RBFOX1: variants seen among roughly 807,000 people sequenced by gnomAD.
RBFOX1 encodes RNA binding protein fox-1 homolog 1.
Under a neutral mutation model 57.7 loss-of-function variants are expected in RBFOX1, and 8 were observed. The observed-to-expected ratio is 0.14, with a 90% confidence interval of 0.08 to 0.25. RBFOX1 has a LOEUF of 0.25. Ranked by LOEUF, RBFOX1 falls within the 10% of genes least tolerant of loss-of-function variation. The pLI is 1.00. For synonymous variants in RBFOX1, 326 were observed against 222.4 expected, an observed-to-expected ratio of 1.47 and a Z score of -4.15; for missense variants, 611 against 548.5, an observed-to-expected ratio of 1.11 and a Z score of -1.14.
chr16:7,187,500 T>A (rs375817709), intron 4 of RBFOX1, among the ~76,000 whole-genome samples: 6 of 151,200 alleles, frequency 4.0e-5, no homozygotes, highest in Non-Finnish European at 5.9e-5. Context: ...CCATCCTGGC[T>A]AACACAGTGA....
At chr16:6,430,116 A>T (rs545993458) in intron 2 of RBFOX1, among the ~76,000 whole-genome samples, 56 of 148,184 alleles carry the variant, frequency 3.8e-4, no homozygotes, top group Non-Finnish European at 6.4e-4. Context: ...CTCAAGAAGA[A>T]AAAAAAAAAA....
intron 4 of RBFOX1, among the ~76,000 whole-genome samples, chr16:7,137,285 G>A (rs773694117): frequency 1.3e-5 from 2 of 152,130 alleles, no homozygotes; most frequent in African/African-American, 4.8e-5. Flanking sequence ...ATACGGTTTG[G>A]CTGTGTCCCC....
At chr16:7,568,007 T>C (rs1335362442) in intron 5 of RBFOX1, among the ~76,000 whole-genome samples, 1 of 151,880 alleles carries the variant, frequency 6.6e-6, no homozygotes, top group Non-Finnish European at 1.5e-5. Context: ...CATTTAAAAA[T>C]AGATGTATTT....
At position 6,780,025 on chromosome 16, in the gene RBFOX1, TTA is replaced by T. The variant is rs1264950816; in HGVS notation, c.-16+125383_-16+125384del. ...TATATATTTATATATATTTATATATTTATATATATTTATATATATTTACATAT... is the reference window on the plus strand; with the variant it reads ...TATATATTTATATATATTTATATATTTATATATTTATATATATTTACATAT... On this transcript the variant is annotated intron_variant, in intron 3 of 15. Coordinates refer to ENST00000550418, the MANE Select transcript of RBFOX1 (RefSeq NM_018723.4). 7.1e-4 allele frequency among the ~76,000 whole-genome samples: 10 copies of T among 14,176 alleles called. 1 individual carries two copies. Among genetic ancestry groups the T allele is most frequent in the South Asian group, 4.1e-3 (1 of 242 alleles). The allele number at this position is 14,176 out of a possible 152,430, so 9.3% of individuals were successfully genotyped here.
chr16:5,864,887 T>G (rs2057311630), intron 3 of RBFOX1, among the ~76,000 whole-genome samples: 1 of 152,230 alleles, frequency 6.6e-6, no homozygotes, highest in Non-Finnish European at 1.5e-5. Flanking sequence ...TATAGGTGGT[T>G]GAATATTCAA....
At chr16:7,143,319 C>T (rs1252010557) in intron 4 of RBFOX1, among the ~76,000 whole-genome samples, 4 of 151,984 alleles carry the variant, frequency 2.6e-5, no homozygotes, top group Admixed American at 1.3e-4. Context: ...ACCGCATTCC[C>T]GACCCAGCTC....
At chr16:7,046,726 C>G (rs10163206) in intron 3 of RBFOX1, among the ~76,000 whole-genome samples, 1 of 150,866 alleles carries the variant, frequency 6.6e-6, no homozygotes, top group Non-Finnish European at 1.5e-5. Flanking sequence ...CTGCCTCAGC[C>G]TCCCAAATAG....
chr16:7,332,776 T>C, intron 4 of RBFOX1: 1 of 1,386,136 alleles, frequency 7.2e-7, no homozygotes, highest in Non-Finnish European at 9.3e-7. Context: ...GCTTCAACTT[T>C]GCAGCTGCTG....
rs191694667 is a variant in RBFOX1 at position 6,928,358 on chromosome 16, A to G, written c.-15-123699A>G. Among the ~76,000 whole-genome samples the G allele has an allele frequency of 3.9e-5, 6 of 152,278 alleles. No homozygotes were observed. The East Asian group carries it at 1.2e-3, about 29-fold the overall frequency. On this transcript the variant is annotated intron_variant, in intron 3 of 15. Coordinates refer to ENST00000550418, the MANE Select transcript of RBFOX1 (RefSeq NM_018723.4). ...GGGCGGGGAAAGAAAAGAGGAAAAGAGAATCCTGATTTCTGGAGCCAACAA... is the reference window on the plus strand; with the variant it reads ...GGGCGGGGAAAGAAAAGAGGAAAAGGGAATCCTGATTTCTGGAGCCAACAA...
At chr16:7,092,808 T>C (rs1475558660) in intron 4 of RBFOX1, among the ~76,000 whole-genome samples, 1 of 152,230 alleles carries the variant, frequency 6.6e-6, no homozygotes, top group African/African-American at 2.4e-5. Flanking sequence ...TTGGTAATTA[T>C]TTTTTCTTCA....
intron 3 of RBFOX1, among the ~76,000 whole-genome samples, chr16:5,611,798 C>CCACCCACCCACCCACCCA (rs2047819497): frequency 7.9e-6 from 1 of 125,980 alleles, no homozygotes; most frequent in Non-Finnish European, 1.7e-5. Flanking sequence ...ATCCATCCAC[C>CCACCCACCCACCCACCCA]CACCCACCCA....
At chr16:6,294,797 G>A (rs2077888043) in intron 1 of RBFOX1, among the ~76,000 whole-genome samples, 1 of 152,174 alleles carries the variant, frequency 6.6e-6, no homozygotes, top group African/African-American at 2.4e-5. Flanking sequence ...AGTCTCTGAT[G>A]GAGAAAATAA....
At chr16:6,064,763 C>T (rs977345411) in intron 1 of RBFOX1, among the ~76,000 whole-genome samples, 4 of 152,026 alleles carry the variant, frequency 2.6e-5, no homozygotes, top group African/African-American at 9.6e-5. Flanking sequence ...GATGTATACA[C>T]ACAATTTTCA....
At chr16:5,986,059 C>CTTTT (rs56316210) in intron 4 of RBFOX1, among the ~76,000 whole-genome samples, 2 of 136,202 alleles carry the variant, frequency 1.5e-5, no homozygotes, top group Non-Finnish European at 3.2e-5. Context: ...TTTTTCTTTA[C>CTTTT]TTTTTTTTTT....
intron 3 of RBFOX1, among the ~76,000 whole-genome samples, chr16:6,995,272 T>C (rs1023030289): frequency 2.1e-4 from 31 of 147,332 alleles, no homozygotes; most frequent in African/African-American, 7.0e-4. Flanking sequence ...ACAAAATGAC[T>C]ATGATCTGAA....
chr16:7,668,262 C>T (rs1440945096), intron 13 of RBFOX1, among the ~76,000 whole-genome samples: 1 of 152,154 alleles, frequency 6.6e-6, no homozygotes, highest in Non-Finnish European at 1.5e-5. Flanking sequence ...AGCACATAGT[C>T]ATTGAAAGAC....
At chr16:5,857,878 C>T (rs2057112621) in intron 3 of RBFOX1, among the ~76,000 whole-genome samples, 2 of 152,016 alleles carry the variant, frequency 1.3e-5, no homozygotes, top group Non-Finnish European at 2.9e-5. Context: ...GCCTGGGAGG[C>T]AGCGGTTGCA....
chr16:5,895,061 A>G (rs945773797), intron 4 of RBFOX1, among the ~76,000 whole-genome samples: 37 of 151,098 alleles, frequency 2.4e-4, no homozygotes, highest in Middle Eastern at 3.4e-3. Context: ...AGGGGGTATT[A>G]CACAAGTACT....
intron 1 of RBFOX1, among the ~76,000 whole-genome samples, chr16:5,291,472 C>T (rs555210902): frequency 9.9e-5 from 15 of 152,126 alleles, no homozygotes; most frequent in Non-Finnish European, 1.6e-4. Flanking sequence ...ACCCTGTTAG[C>T]GAGAATGGTC....
Sources: gnomAD v4.1 joint callset for allele counts (sites outside exome capture counted in the v4.1 genomes callset) on GRCh38, gnomAD v4.1.1 for gene constraint, MANE v1.5 for transcripts, NCBI Gene and HGNC (gene_info 2026-07-23, HGNC 2026-07-21) for gene names.